The following SPG21 variants were observed in gnomAD, a reference collection of about 807,000 sequenced individuals.
SPG21 encodes maspardin.
In SPG21, 26 loss-of-function variants were observed where a neutral mutation model predicts 38.9. The observed-to-expected ratio is 0.67, with a 90% CI of 0.49 to 0.93. The LOEUF (loss-of-function observed/expected upper bound fraction) is 0.93, where lower values mean the gene tolerates loss of function less well. SPG21 is among the 40% of genes least tolerant of loss of function. SPG21 has a pLI of 0.00. For missense variants in SPG21, 333 were observed against 376.5 expected (o/e 0.88, Z 0.96); for synonymous variants, 136 against 128.9 (o/e 1.05, Z -0.37).
At chr15:64,975,247 C>A (rs1344371153) in intron 4 of SPG21, among the ~76,000 whole-genome samples, 1 of 149,486 alleles carries the variant, frequency 6.7e-6, no homozygotes, top group African/African-American at 2.5e-5. Context: ...AAGATCGCAC[C>A]ACTGCACTCC....
At position 64,974,815 on chromosome 15, in the gene SPG21, T is replaced by C. The variant is rs1244812832; in HGVS notation, c.307-68A>G. 8.2e-6 allele frequency: 13 copies of C among 1,584,988 alleles called. No individual in the cohort carries two copies. In the East Asian group the frequency reaches 2.5e-4, roughly 30 times the overall value. ...AATCTTGAACCTGAGTATTAAAAAGTTGCTTCAATTATCACTAACCACAGA... is the reference window on the plus strand; with the variant it reads ...AATCTTGAACCTGAGTATTAAAAAGCTGCTTCAATTATCACTAACCACAGA... On this transcript the variant is annotated intron_variant, in intron 4 of 8. Coordinates refer to ENST00000204566, the MANE Select transcript of SPG21 (RefSeq NM_016630.7).
At chr15:64,971,848 T>C (rs1351521541) in intron 5 of SPG21, among the ~76,000 whole-genome samples, 1 of 152,062 alleles carries the variant, frequency 6.6e-6, no homozygotes, top group Non-Finnish European at 1.5e-5. Flanking sequence ...GAAAATTTTT[T>C]TTCTGTAGAG....
intron 1 of SPG21, among the ~76,000 whole-genome samples, chr15:64,984,145 G>T (rs1419810765): frequency 1.3e-5 from 2 of 152,086 alleles, no homozygotes; most frequent in Non-Finnish European, 2.9e-5. Context: ...AAGGAATCTG[G>T]TCTAGAAAAT....
chr15:64,971,285 A>T (rs2085655785), intron 5 of SPG21, among the ~76,000 whole-genome samples: 1 of 152,122 alleles, frequency 6.6e-6, no homozygotes, highest in South Asian at 2.1e-4. Context: ...CATGCCTGTA[A>T]TCCCAGCACT....
intron 1 of SPG21, among the ~76,000 whole-genome samples, chr15:64,986,412 G>C (rs970987347): frequency 6.8e-6 from 1 of 147,028 alleles, no homozygotes; most frequent in Non-Finnish European, 1.5e-5. Context: ...TTTGCCAGGC[G>C]CGGCGGCTCA....
At chr15:64,974,575 G>C (rs1555400182) in intron 5 of SPG21, 27 bp downstream of exon 5, 12 of 1,613,744 alleles carry the variant, frequency 7.4e-6, no homozygotes, top group East Asian at 2.2e-5. Flanking sequence ...AAATTTCACT[G>C]AACAAAAAAA....
intron 3 of SPG21, among the ~76,000 whole-genome samples, chr15:64,980,615 G>A (rs796293789): frequency 2.2e-4 from 34 of 152,002 alleles, no homozygotes; most frequent in African/African-American, 7.5e-4. Context: ...GCGGGCGCCT[G>A]TAATCCCAGC....
intron 1 of SPG21, among the ~76,000 whole-genome samples, chr15:64,985,861 T>C (rs1032889210): frequency 1.3e-5 from 2 of 152,176 alleles, no homozygotes; most frequent in Non-Finnish European, 1.5e-5. Context: ...GATGTAGACA[T>C]TCTAACACTA....
intron 3 of SPG21, among the ~76,000 whole-genome samples, chr15:64,977,926 G>A (rs1182503847): frequency 3.3e-5 from 5 of 152,010 alleles, no homozygotes; most frequent in African/African-American, 4.8e-5. Context: ...AGGTTCAAGC[G>A]ATTCTCCTGC....
At chr15:64,975,175 C>G (rs146749361) in intron 4 of SPG21, among the ~76,000 whole-genome samples, 2,464 of 151,810 alleles carry the variant, frequency 0.016, 30 homozygotes, top group Admixed American at 0.023. Context: ...GTAGTCCCAG[C>G]TACTCGGGAG....
intron 1 of SPG21, among the ~76,000 whole-genome samples, chr15:64,986,060 T>C (rs2085987161): frequency 6.6e-6 from 1 of 152,170 alleles, no homozygotes; most frequent in Non-Finnish European, 1.5e-5. Flanking sequence ...TGCATATCCA[T>C]TTTATCTTAA....
At chr15:64,967,047 T>A (rs2085553196) in intron 7 of SPG21, among the ~76,000 whole-genome samples, 1 of 151,946 alleles carries the variant, frequency 6.6e-6, no homozygotes, top group Admixed American at 6.6e-5. Flanking sequence ...AGGATAAGTA[T>A]CAACCAAAAA....
chr15:64,969,454 G>A, intron 6 of SPG21, 92 bp from the exon 7 acceptor site: 1 of 950,648 alleles, frequency 1.1e-6, no homozygotes, highest in South Asian at 1.3e-5. Context: ...TTATAAAGGT[G>A]GTATCATCTG....
At chr15:64,989,046 A>G (rs1400747076) in intron 1 of SPG21, 1 of 151,972 alleles carries the variant, frequency 6.6e-6, no homozygotes, top group Non-Finnish European at 1.5e-5. Context: ...AAGGAGCTGA[A>G]CCAGTGTAGG....
Position 64,982,142 on chromosome 15 carries a change from C to CTTTTT in SPG21, c.64-1122_64-1118dup, listed in dbSNP as rs56118434. On this transcript the variant is annotated intron_variant, in intron 2 of 8. Transcript: ENST00000204566. ...CCACTCACATTTTTTCTTTTCTTTTCTTTTTTTTTTTTTTTTTTTTGAGAC... is the reference window on the plus strand; with the variant it reads ...CCACTCACATTTTTTCTTTTCTTTTCTTTTTTTTTTTTTTTTTTTTTTTTTGAGAC... Among the ~76,000 whole-genome samples, 139 of 114,590 alleles carry CTTTTT rather than the reference C, an allele frequency of 1.2e-3. 1 individual carries two copies. Among genetic ancestry groups the CTTTTT allele is most frequent in the African/African-American group, 2.7e-3 (80 of 29,958 alleles). The allele number at this position is 114,590 out of a possible 152,430, so 75.2% of individuals were successfully genotyped here.
In SPG21 at chr15:64,989,865, G is replaced by GCCGCCGCGCTCCCCACGCCCGA. The variant is rs1566935297; in HGVS notation, c.-226_-225insTCGGGCGTGGGGAGCGCGGCGG. Reference sequence around the variant, plus strand: ...GGGGCGCGTGGCCGAGCGAGCTTGGGCCGCCGCGCTCCCCCCGCCCGACCG... The same window carrying GCCGCCGCGCTCCCCACGCCCGA: ...GGGGCGCGTGGCCGAGCGAGCTTGGGCCGCCGCGCTCCCCACGCCCGACCGCCGCGCTCCCCCCGCCCGACCG... On this transcript the variant is annotated 5_prime_UTR_variant, in exon 1 of 9. Transcript: ENST00000204566. The GCCGCCGCGCTCCCCACGCCCGA allele has an allele frequency of 1.3e-5, 2 of 151,810 alleles. No homozygotes were observed. The highest frequency in any genetic ancestry group is 4.9e-5 in the African/African-American group (2 of 41,216). 9.4% of individuals were successfully genotyped at this position (151,810 alleles called of 1,614,324 possible). A position where few individuals can be genotyped will look rare whatever the true frequency, so the allele number is the denominator to read the frequency against.
chr15:64,964,410 T>TAGGA (rs1322807984), intron 8 of SPG21, among the ~76,000 whole-genome samples: 3 of 152,140 alleles, frequency 2.0e-5, no homozygotes, highest in African/African-American at 7.2e-5. Context: ...GCATCAAGTA[T>TAGGA]TCCTGTTTAG....
chr15:64,988,799 G>T (rs906564181), intron 1 of SPG21: 6 of 152,166 alleles, frequency 3.9e-5, no homozygotes, highest in Admixed American at 3.3e-4. Flanking sequence ...TGGCTAACAC[G>T]GTGAAACCCC....
chr15:64,967,485 T>C lies in SPG21; in HGVS notation c.669+1770A>G, dbSNP rs2085564822. Among the ~76,000 whole-genome samples the C allele has an allele frequency of 2.1e-5, 3 of 145,812 alleles. No homozygotes were observed. In the South Asian group the frequency reaches 6.4e-4, roughly 31 times the overall value. On this transcript the variant is annotated intron_variant, in intron 7 of 8. Transcript: ENST00000204566. Reference sequence around the variant, plus strand: ...GCTAATTTTCCTTTTTTTTTTTTTCTTTTTTTTGAGACGAAGTCTCACTCT... The same window carrying C: ...GCTAATTTTCCTTTTTTTTTTTTTCCTTTTTTTGAGACGAAGTCTCACTCT...
Sources: gnomAD v4.1 joint callset for allele counts (sites outside exome capture counted in the v4.1 genomes callset) on GRCh38, gnomAD v4.1.1 for gene constraint, MANE v1.5 for transcripts, NCBI Gene and HGNC (gene_info 2026-07-23, HGNC 2026-07-21) for gene names.